The following MCC variants were observed in gnomAD, a reference collection of about 807,000 sequenced individuals.
MCC encodes colorectal mutant cancer protein.
Under a neutral mutation model 116.2 loss-of-function variants are expected in MCC, and 90 were observed. The ratio of observed to expected loss-of-function variants is 0.77; its 90% CI spans 0.65 to 0.92. The LOEUF is 0.92. Among genes scored for constraint, MCC ranks in the 40% least tolerant of loss-of-function variants. The pLI is 0.00. For synonymous variants in MCC, 578 were observed against 510.5 expected (o/e 1.13, Z -1.78); for missense variants, 1,516 against 1,312.2 (o/e 1.16, Z -2.40).
At chr5:113,092,356 G>C (rs1382424369) in intron 8 of MCC, among the ~76,000 whole-genome samples, 2 of 152,156 alleles carry the variant, frequency 1.3e-5, no homozygotes, top group Non-Finnish European at 2.9e-5. Flanking sequence ...CTAGATGCTG[G>C]AAGCGACAAG....
chr5:113,466,324 C>G (rs1375553981), intron 1 of MCC, among the ~76,000 whole-genome samples: 1 of 123,782 alleles, frequency 8.1e-6, no homozygotes, highest in Non-Finnish European at 1.7e-5. Flanking sequence ...CTAATGCTAT[C>G]CCTCCCCCCT....
At position 113,385,085 on chromosome 5, in the gene MCC, G is replaced by T. The variant is rs1442837130; in HGVS notation, c.298C>A (p.Leu100Ile). The change falls in exon 2 of 19, where the codon CTT becomes ATT. Residue 100 changes from leucine (L) to isoleucine (I), a missense_variant. By Grantham distance (5) the Leu-to-Ile change is conservative (BLOSUM62 2). Transcript: ENST00000408903. ...FQDFTRCRMQ[L>I]VREIRKEEVD... ...TCCTCCTTCCTAATTTCTCGAACAA[G>T]CTGCATGCGGCATCTTGTGAAATCC... 9.9e-6 allele frequency: 16 copies of T among 1,614,178 alleles called. No individual in the cohort carries two copies. Among genetic ancestry groups the T allele is most frequent in the Non-Finnish European group, 1.4e-5 (16 of 1,180,040 alleles).
chr5:113,311,692 G>T (rs572539502), intron 3 of MCC, among the ~76,000 whole-genome samples: 1 of 152,288 alleles, frequency 6.6e-6, no homozygotes, highest in South Asian at 2.1e-4. Flanking sequence ...ATAATAGCTG[G>T]CCGGGCATGG....
intron 3 of MCC, among the ~76,000 whole-genome samples, chr5:113,213,133 T>C (rs796318185): frequency 7.2e-5 from 11 of 152,294 alleles, no homozygotes; most frequent in African/African-American, 1.4e-4. Flanking sequence ...CGCAATGCCA[T>C]TGCTGCTCCT....
intron 3 of MCC, among the ~76,000 whole-genome samples, chr5:113,259,725 G>A (rs1765152224): frequency 6.6e-6 from 1 of 151,924 alleles, no homozygotes; most frequent in South Asian, 2.1e-4. Context: ...TCCATTATTG[G>A]AACACTAAGC....
intron 2 of MCC, among the ~76,000 whole-genome samples, chr5:113,370,115 C>T (rs897160448): frequency 5.3e-5 from 8 of 152,258 alleles, no homozygotes; most frequent in African/African-American, 1.9e-4. Flanking sequence ...ACAGACAACT[C>T]CCTAAATAAA....
At chr5:113,052,469 T>A (rs1196126783) in intron 15 of MCC, among the ~76,000 whole-genome samples, 1 of 47,924 alleles carries the variant, frequency 2.1e-5, no homozygotes, top group Non-Finnish European at 4.2e-5. Context: ...ATCATGGGGG[T>A]GGGGGTGGGA....
intron 1 of MCC, among the ~76,000 whole-genome samples, chr5:113,418,536 G>A (rs1770221465): frequency 6.6e-6 from 1 of 151,826 alleles, no homozygotes; most frequent in Non-Finnish European, 1.5e-5. Flanking sequence ...TCTTTACCCA[G>A]TTAAGCCTTG....
chr5:113,483,333 C>A (rs143856481), intron 1 of MCC, among the ~76,000 whole-genome samples: 1 of 152,294 alleles, frequency 6.6e-6, no homozygotes, highest in East Asian at 1.9e-4. Context: ...AGAAGGACTG[C>A]ATTGATTCTG....
chr5:113,094,739 CAGCTTTTTGACAAATTGAGT>C (rs1423520031), intron 8 of MCC, among the ~76,000 whole-genome samples: 2 of 152,148 alleles, frequency 1.3e-5, no homozygotes, highest in Admixed American at 1.3e-4. Flanking sequence ...AATTTCTTAC[CAGCTTTTTGACAAATTGAGT>C]CAGCTTCTTT....
At chr5:113,488,214 C>G (rs766585353) in intron 1 of MCC, 31 bp downstream of exon 1, 1 of 1,580,548 alleles carries the variant, frequency 6.3e-7, no homozygotes, top group Non-Finnish European at 8.6e-7. Context: ...TGATCTCGCT[C>G]CTGTCGGTTT....
At chr5:113,312,757 C>CAT (rs1429356919) in intron 3 of MCC, among the ~76,000 whole-genome samples, 1 of 152,114 alleles carries the variant, frequency 6.6e-6, no homozygotes, top group Non-Finnish European at 1.5e-5. Flanking sequence ...GGGAGTTTCT[C>CAT]ATATATATAC....
At chr5:113,221,272 C>T (rs1433096333) in intron 3 of MCC, among the ~76,000 whole-genome samples, 1 of 152,200 alleles carries the variant, frequency 6.6e-6, no homozygotes, top group Non-Finnish European at 1.5e-5. Context: ...TGGGTGAAAC[C>T]ACGTTTGCAA....
intron 3 of MCC, among the ~76,000 whole-genome samples, chr5:113,299,656 A>G (rs916551848): frequency 1.3e-5 from 2 of 152,230 alleles, no homozygotes; most frequent in Non-Finnish European, 1.5e-5. Flanking sequence ...AGCGTTTACC[A>G]AGTGTATAAC....
At chr5:113,184,254 T>G (rs1360332763) in intron 3 of MCC, among the ~76,000 whole-genome samples, 1 of 152,196 alleles carries the variant, frequency 6.6e-6, no homozygotes, top group Non-Finnish European at 1.5e-5. Context: ...TGTTTCTATT[T>G]AAGATAGTCT....
At chr5:113,136,674 A>G (rs1259489419) in intron 5 of MCC, among the ~76,000 whole-genome samples, 1 of 152,206 alleles carries the variant, frequency 6.6e-6, no homozygotes, top group Admixed American at 6.5e-5. Context: ...AGATGCTAAA[A>G]TGATTTTAAC....
chr5:113,067,956 A>T (rs548101593), intron 13 of MCC, 124 bp downstream of exon 13: 152 of 781,506 alleles, frequency 1.9e-4, no homozygotes, highest in African/African-American at 1.9e-3. Context: ...GAAAAACGAA[A>T]AACACACTTG....
chr5:113,421,076 T>C (rs1266161698), intron 1 of MCC, among the ~76,000 whole-genome samples: 1 of 151,948 alleles, frequency 6.6e-6, no homozygotes, highest in Non-Finnish European at 1.5e-5. Flanking sequence ...TAGGCTGGAG[T>C]ACAGTGGCAC....
rs554567841 is a variant in MCC, at chr5:113,161,991, C to T, written c.628-10569G>A. ...GGCTGCTGACGGATGGGCCATTTAC[C>T]GTTTGCTGGTACATCTAATCCAAAG... On this transcript the variant is annotated intron_variant, in intron 3 of 18. Transcript: ENST00000408903. 2.3e-4 allele frequency among the ~76,000 whole-genome samples: 35 copies of T among 152,292 alleles called. No homozygotes were observed. The East Asian group carries it at 3.7e-3, about 16-fold the overall frequency.
Sources: gnomAD v4.1 joint callset for allele counts (sites outside exome capture counted in the v4.1 genomes callset) on GRCh38, gnomAD v4.1.1 for gene constraint, MANE v1.5 for transcripts, NCBI Gene and HGNC (gene_info 2026-07-23, HGNC 2026-07-21) for gene names.